Variants in SLC22A3 observed in about 807,000 individuals in gnomAD.
The protein encoded by SLC22A3 is EMT organic cation transporter 3.
A neutral mutation model predicts 59.1 loss-of-function variants in SLC22A3; 51 were observed. That is an observed-to-expected ratio of 0.86 (90% CI 0.69 to 1.09). The LOEUF is 1.09. SLC22A3 is among the 50% of genes least tolerant of loss of function. The pLI, the probability that SLC22A3 is intolerant of heterozygous loss-of-function variation, is 0.00. For missense variants in SLC22A3, 711 were observed against 726.3 expected (o/e 0.98, Z 0.24); for synonymous variants, 325 against 292.0 (o/e 1.11, Z -1.15).
chr6:160,446,180 T>C (rs188783312), intron 9 of SLC22A3, among the ~76,000 whole-genome samples: 171 of 152,224 alleles, frequency 1.1e-3, no homozygotes, highest in South Asian at 1.2e-3. Flanking sequence ...GTAGCACATG[T>C]GGATCTGGTG....
Position 160,415,764 on chromosome 6 carries a change from A to G in SLC22A3, c.975+4918A>G, listed in dbSNP as rs1186471576. Reference sequence around the variant, plus strand: ...ATTCAAAGAAGCCCTAGGAGACCCAACAAGTCAGCATTTTTCTCTTGTGAA... The same window carrying G: ...ATTCAAAGAAGCCCTAGGAGACCCAGCAAGTCAGCATTTTTCTCTTGTGAA... On this transcript the variant is annotated intron_variant, in intron 5 of 10. Coordinates refer to ENST00000275300, the MANE Select transcript of SLC22A3 (RefSeq NM_021977.4). The surrounding 1 kb of genome is among the most constrained non-coding windows in gnomAD (Gnocchi z 4.1). Among the ~76,000 whole-genome samples the G allele has an allele frequency of 6.6e-6, 1 of 152,192 alleles. No homozygotes were observed. The highest frequency in any genetic ancestry group is 1.5e-5 in the Non-Finnish European group (1 of 68,024).
At chr6:160,411,401 T>C (rs1259453573) in intron 5 of SLC22A3, among the ~76,000 whole-genome samples, 2 of 152,128 alleles carry the variant, frequency 1.3e-5, no homozygotes, top group Admixed American at 6.5e-5. Context: ...TCCTTCCTTC[T>C]TCCAAGAAAG....
At chr6:160,378,384 T>A (rs1395756825) in intron 1 of SLC22A3, among the ~76,000 whole-genome samples, 1 of 152,222 alleles carries the variant, frequency 6.6e-6, no homozygotes, top group Non-Finnish European at 1.5e-5. Flanking sequence ...AGGGTGTTCT[T>A]ATTAGAAAAT....
At chr6:160,351,954 A>C (rs901186513) in intron 1 of SLC22A3, among the ~76,000 whole-genome samples, 1 of 152,244 alleles carries the variant, frequency 6.6e-6, no homozygotes, top group Non-Finnish European at 1.5e-5. Context: ...CATGAAACAT[A>C]GTACTCAGAT....
intron 10 of SLC22A3, among the ~76,000 whole-genome samples, chr6:160,449,912 G>T (rs1344746814): frequency 6.6e-6 from 1 of 152,120 alleles, no homozygotes; most frequent in African/African-American, 2.4e-5. Context: ...CAGGGAGTAG[G>T]TACAAAGATC....
At chr6:160,402,168 T>C (rs1212305215) in intron 2 of SLC22A3, among the ~76,000 whole-genome samples, 1 of 151,952 alleles carries the variant, frequency 6.6e-6, no homozygotes, top group Non-Finnish European at 1.5e-5. Flanking sequence ...CAGACACATA[T>C]ACACTAATAG....
intron 1 of SLC22A3, among the ~76,000 whole-genome samples, chr6:160,379,757 C>T (rs544135295): frequency 6.6e-6 from 1 of 152,158 alleles, no homozygotes; most frequent in Non-Finnish European, 1.5e-5. Context: ...CTTACCTGTG[C>T]TCACAAGTCA....
chr6:160,398,219 C>T, intron 2 of SLC22A3, 137 bp downstream of exon 2: 1 of 663,818 alleles, frequency 1.5e-6, no homozygotes, highest in Non-Finnish European at 2.8e-6. Context: ...TCATTCATGA[C>T]ATCCACACTT....
intron 5 of SLC22A3, among the ~76,000 whole-genome samples, chr6:160,420,111 T>C (rs1787666303): frequency 6.6e-6 from 1 of 152,138 alleles, no homozygotes; most frequent in Non-Finnish European, 1.5e-5. Context: ...CTCATTTCCT[T>C]CCCCAAATGG....
chr6:160,359,666 A>G (rs1417963289), intron 1 of SLC22A3, among the ~76,000 whole-genome samples: 1 of 152,230 alleles, frequency 6.6e-6, no homozygotes, highest in Admixed American at 6.5e-5. Context: ...CTGTAATTAA[A>G]TCTAGCCTTC....
At chr6:160,355,083 C>T (rs2114738937) in intron 1 of SLC22A3, among the ~76,000 whole-genome samples, 1 of 152,372 alleles carries the variant, frequency 6.6e-6, no homozygotes, top group South Asian at 2.1e-4. Flanking sequence ...ACCAATTCAT[C>T]TGCACAGGAA....
Position 160,348,568 on chromosome 6 carries a change from G to T in SLC22A3, c.149G>T (p.Trp50Leu). 1 of 1,540,434 alleles carries T rather than the reference G, an allele frequency of 6.5e-7. No individual in the cohort carries two copies. Among genetic ancestry groups the T allele is most frequent in the East Asian group, 2.6e-5 (1 of 38,820 alleles). The stretch of plus-strand genomic sequence containing the variant: ...CTGGGCACGCAGCCCGACCACTACT[G>T]GTGCCGCGGGCCAAGTGCCGCGGCG... ...VFLGTQPDHY[W>L]CRGPSAAALA... The change falls in exon 1 of 11, where the codon TGG (tryptophan) becomes TTG (leucine). Residue 50 changes from tryptophan to leucine, a missense_variant. By Grantham distance (61) the Trp-to-Leu change is moderately conservative (BLOSUM62 -2). Coordinates refer to ENST00000275300, the MANE Select transcript of SLC22A3 (RefSeq NM_021977.4).
intron 3 of SLC22A3, among the ~76,000 whole-genome samples, chr6:160,407,942 C>G (rs905729833): frequency 1.3e-5 from 2 of 152,092 alleles, no homozygotes; most frequent in Non-Finnish European, 2.9e-5. Context: ...AATCTCCAAG[C>G]AGTGCGCATT....
chr6:160,422,038 A>G (rs891362281), intron 5 of SLC22A3, among the ~76,000 whole-genome samples: 1 of 152,234 alleles, frequency 6.6e-6, no homozygotes, highest in Admixed American at 6.5e-5. Flanking sequence ...AGCTCTGCGC[A>G]GCCAGCAACC....
intron 1 of SLC22A3, among the ~76,000 whole-genome samples, chr6:160,384,832 T>C (rs903859773): frequency 2.0e-5 from 3 of 152,142 alleles, no homozygotes; most frequent in Non-Finnish European, 4.4e-5. Context: ...TCTGTGTGCC[T>C]CATCATGTCT....
In SLC22A3 at chr6:160,369,074, A is replaced by G. The variant is rs529588372; in HGVS notation, c.429+20226A>G. On this transcript the variant is annotated intron_variant, in intron 1 of 10. Coordinates refer to ENST00000275300, the MANE Select transcript of SLC22A3 (RefSeq NM_021977.4). Reference sequence around the variant, plus strand: ...TTTTAGGTCAACTATCATGTATTTCATTGTCTCCAATGCCATAATTTCCAA... The same window carrying G: ...TTTTAGGTCAACTATCATGTATTTCGTTGTCTCCAATGCCATAATTTCCAA... Among the ~76,000 whole-genome samples the G allele has an allele frequency of 2.0e-5, 3 of 152,264 alleles. No individual in the cohort carries two copies. The South Asian group carries it at 6.2e-4, about 32-fold the overall frequency.
At chr6:160,424,192 G>A (rs1787865106) in intron 5 of SLC22A3, among the ~76,000 whole-genome samples, 1 of 152,116 alleles carries the variant, frequency 6.6e-6, no homozygotes, top group African/African-American at 2.4e-5. Context: ...AGGGATTATG[G>A]AGTTATTGCA....
rs1240899230 is a variant in SLC22A3, at chr6:160,451,653, C to T, written c.*597C>T. 6.5e-6 allele frequency: 1 copy of T among 153,602 alleles called. No homozygotes were observed. Among genetic ancestry groups the T allele is most frequent in the African/African-American group, 2.4e-5 (1 of 41,454 alleles). 9.5% of individuals were successfully genotyped at this position (153,602 alleles called of 1,614,324 possible). Reference sequence around the variant, plus strand: ...TCGCAATGTGAACAGGTCAGGAGTCCCTCCCGTCCACCTCCTCTGTAACAG... The same window carrying T: ...TCGCAATGTGAACAGGTCAGGAGTCTCTCCCGTCCACCTCCTCTGTAACAG... On this transcript the variant is annotated 3_prime_UTR_variant, in exon 11 of 11. Coordinates refer to ENST00000275300, the MANE Select transcript of SLC22A3 (RefSeq NM_021977.4).
chr6:160,390,317 C>T lies in SLC22A3; in HGVS notation c.430-7662C>T, dbSNP rs143542322. ...AGGAAGGAGGGAGAGCAATTCAGAG[C>T]GAGGAACCCCAAGCCAGCCACAACT... On this transcript the variant is annotated intron_variant, in intron 1 of 10. Coordinates refer to ENST00000275300, the MANE Select transcript of SLC22A3 (RefSeq NM_021977.4). 2.9e-4 allele frequency among the ~76,000 whole-genome samples: 44 copies of T among 152,212 alleles called. No homozygotes were observed. The East Asian group carries it at 5.4e-3, about 19-fold the overall frequency.
Sources: gnomAD v4.1 joint callset for allele counts (sites outside exome capture counted in the v4.1 genomes callset) on GRCh38, gnomAD v4.1.1 for gene constraint, Gnocchi (gnomAD v3.1) non-coding constraint, MANE v1.5 for transcripts, NCBI Gene and HGNC (gene_info 2026-07-23, HGNC 2026-07-21) for gene names.